The following CD109 variants were observed in gnomAD, a reference collection of about 807,000 sequenced individuals.
CD109 encodes the protein CD109 molecule.
Under a neutral mutation model 165.8 loss-of-function variants are expected in CD109, and 149 were observed. The ratio of observed to expected loss-of-function variants is 0.90; its 90% CI spans 0.79 to 1.03. The LOEUF is 1.03. Ranked by LOEUF, CD109 falls within the 50% of genes least tolerant of loss-of-function variation. CD109 has a pLI of 0.00. For missense variants in CD109, 1,712 were observed against 1,677.8 expected, an observed-to-expected ratio of 1.02 and a Z score of -0.36; for synonymous variants, 585 against 592.1, an observed-to-expected ratio of 0.99 and a Z score of 0.18.
In CD109 at chr6:73,827,817, A is replaced by G. The variant is rs1007297425; in HGVS notation, c.*4184A>G. 1 of 152,288 alleles carries G rather than the reference A, an allele frequency of 6.6e-6. No homozygotes were observed. Among genetic ancestry groups the G allele is most frequent in the Non-Finnish European group, 1.5e-5 (1 of 68,068 alleles). The allele number at this position is 152,288 out of a possible 1,614,324, so 9.4% of individuals were successfully genotyped here. A position where few individuals can be genotyped will look rare whatever the true frequency, so the allele number is the denominator to read the frequency against. On this transcript the variant is annotated 3_prime_UTR_variant, in exon 33 of 33. Transcript: ENST00000287097. ...AAAGAACAGTTATAAATTGGTATACATGTGTCTCTGTAATAGGGATAATAT... is the reference window on the plus strand; with the variant it reads ...AAAGAACAGTTATAAATTGGTATACGTGTGTCTCTGTAATAGGGATAATAT...
chr6:73,697,438 C>A lies in CD109; in HGVS notation c.113C>A (p.Pro38His). The change falls in exon 2 of 33, where the codon CCC (proline) becomes CAC (histidine). Residue 38 changes from proline to histidine, a missense_variant. By Grantham distance (77) the Pro-to-His change is moderately conservative. Transcript: ENST00000287097. ...GTGACAGCCCCAGGGATCATCAGGCCCGGAGGAAATGTGACTATTGGGGTG... is the reference window on the plus strand; with the variant it reads ...GTGACAGCCCCAGGGATCATCAGGCACGGAGGAAATGTGACTATTGGGGTG... Reference protein sequence around the residue: ...FLVTAPGIIRPGGNVTIGVEL... With the variant: ...FLVTAPGIIRHGGNVTIGVEL... 1 of 1,614,042 alleles carries A rather than the reference C, an allele frequency of 6.2e-7. No individual in the cohort carries two copies.
chr6:73,744,292 C>T (rs1772899376), intron 5 of CD109, among the ~76,000 whole-genome samples: 1 of 152,178 alleles, frequency 6.6e-6, no homozygotes, highest in Non-Finnish European at 1.5e-5. Flanking sequence ...GGAACTCATT[C>T]ATGCTTGTGG....
At chr6:73,689,856 A>G in the CD109 span, among the ~76,000 whole-genome samples, 2 of 152,232 alleles carry the variant, frequency 1.3e-5, no homozygotes, top group Non-Finnish European at 2.9e-5. Context: ...GATACCATTG[A>G]TTATAAGATC....
At chr6:73,682,466 C>T in the CD109 span, among the ~76,000 whole-genome samples, 3 of 152,242 alleles carry the variant, frequency 2.0e-5, no homozygotes, top group Admixed American at 6.5e-5. Context: ...GGCAGTTCCG[C>T]TCCTGTGGCT....
intron 25 of CD109, 67 bp downstream of exon 25, chr6:73,807,139 A>G (rs1459358941): frequency 1.8e-6 from 2 of 1,139,044 alleles, no homozygotes; most frequent in East Asian, 2.5e-5. Context: ...TAATGGGTCA[A>G]ATATGTGTGT....
rs150216925 is a variant in CD109 at position 73,726,505 on chromosome 6, G to A, written c.276+3226G>A. 2.0e-3 allele frequency among the ~76,000 whole-genome samples: 309 copies of A among 152,198 alleles called. 2 individuals are homozygous for A. The highest frequency in any genetic ancestry group is 6.9e-3 in the African/African-American group (288 of 41,526). ...AATTTTATTTTGAAAAATTGTCTCC[G>A]TTATGTTTGGTAACTGGCATTATTC... On this transcript the variant is annotated intron_variant, in intron 3 of 32. Transcript: ENST00000287097.
Position 73,758,297 on chromosome 6 carries a change from C to T in CD109, c.674-647C>T, listed in dbSNP as rs77303679. On this transcript the variant is annotated intron_variant, in intron 6 of 32. Transcript: ENST00000287097. ...GAGAACTATAGAAAAAAAGTTTTAT[C>T]GACTGTAAAGAAACACACATTTTTT... 2.0e-4 allele frequency among the ~76,000 whole-genome samples: 30 copies of T among 152,020 alleles called. No individual in the cohort carries two copies. The South Asian group carries it at 5.6e-3, about 28-fold the overall frequency.
the CD109 span, among the ~76,000 whole-genome samples, chr6:73,689,066 AG>A: frequency 6.6e-6 from 1 of 152,158 alleles, no homozygotes; most frequent in East Asian, 1.9e-4. Flanking sequence ...CACCAAGCCC[AG>A]CTGCTTCTGT....
chr6:73,707,910 T>G (rs1771343782), intron 2 of CD109, among the ~76,000 whole-genome samples: 2 of 147,484 alleles, frequency 1.4e-5, no homozygotes. Context: ...ATATTAGTTA[T>G]TATTTTCTCT....
intron 2 of CD109, among the ~76,000 whole-genome samples, chr6:73,704,978 C>G (rs965843765): frequency 3.9e-5 from 6 of 152,106 alleles, no homozygotes; most frequent in Non-Finnish European, 1.5e-5. Context: ...CATAAATGTC[C>G]CACCTCTGCT....
chr6:73,731,176 A>C (rs1177512811), intron 4 of CD109, among the ~76,000 whole-genome samples: 2 of 151,988 alleles, frequency 1.3e-5, no homozygotes, highest in Admixed American at 1.3e-4. Flanking sequence ...CCTCCTGAGT[A>C]GCTGGGATTA....
chr6:73,795,942 C>T (rs1289893212), intron 23 of CD109, among the ~76,000 whole-genome samples: 1 of 152,142 alleles, frequency 6.6e-6, no homozygotes, highest in Non-Finnish European at 1.5e-5. Flanking sequence ...TTATTCAACA[C>T]GTAGTAAGTG....
intron 4 of CD109, among the ~76,000 whole-genome samples, chr6:73,735,596 A>G (rs921000141): frequency 2.6e-5 from 4 of 151,896 alleles, no homozygotes; most frequent in African/African-American, 9.7e-5. Context: ...GCATGAAGGG[A>G]TTGTTGTTTG....
Position 73,799,884 on chromosome 6 carries a change from G to T in CD109, c.2879-3336G>T, listed in dbSNP as rs73462427. Among the ~76,000 whole-genome samples the T allele has an allele frequency of 6.3e-3, 934 of 147,290 alleles. 15 individuals carry two copies. Among genetic ancestry groups the T allele is most frequent in the African/African-American group, 0.022 (873 of 39,878 alleles). ...TTTTTTTTTTTTTTTTAAAGACAGG[G>T]TGTCTCCCTTTGCCCAGGCTGAAGT... On this transcript the variant is annotated intron_variant, in intron 23 of 32. Coordinates refer to ENST00000287097, the MANE Select transcript of CD109 (RefSeq NM_133493.5).
chr6:73,725,846 A>G (rs1418833797), intron 3 of CD109, among the ~76,000 whole-genome samples: 1 of 152,192 alleles, frequency 6.6e-6, no homozygotes, highest in Non-Finnish European at 1.5e-5. Flanking sequence ...AGTATATGAA[A>G]TACTAACTCT....
chr6:73,731,120 C>T (rs564452862), intron 4 of CD109, among the ~76,000 whole-genome samples: 1 of 151,894 alleles, frequency 6.6e-6, no homozygotes, highest in South Asian at 2.1e-4. Context: ...GATCTTGGCT[C>T]ACTGCAACCT....
intron 7 of CD109, among the ~76,000 whole-genome samples, chr6:73,761,522 A>T (rs1056323499): frequency 6.6e-6 from 1 of 151,852 alleles, no homozygotes; most frequent in Middle Eastern, 3.2e-3. Context: ...TTTATTTTTT[A>T]TTTATTTATT....
upstream of CD109, chr6:73,695,174 GTT>G (rs1420646326): frequency 1.3e-5 from 2 of 152,238 alleles, no homozygotes; most frequent in African/African-American, 4.8e-5. Context: ...GAATTAGAAA[GTT>G]TAAGTTGTCA....
intron 24 of CD109, chr6:73,804,180 A>C (rs565273196): frequency 6.6e-6 from 1 of 152,380 alleles, no homozygotes; most frequent in Non-Finnish European, 1.5e-5. Context: ...TGTGTAACCA[A>C]AGTAAAAGAG....
Sources: allele counts gnomAD v4.1 joint callset (sites outside exome capture counted in the v4.1 genomes callset), GRCh38; gene constraint gnomAD v4.1.1; transcripts MANE v1.5; gene names NCBI Gene and HGNC (gene_info 2026-07-23, HGNC 2026-07-21).